Variants in HEPH observed in about 807,000 individuals in gnomAD.
HEPH encodes the protein hephaestin.
In HEPH, 69 loss-of-function variants were observed where a neutral mutation model predicts 80.8. The observed-to-expected ratio is 0.85, with a 90% CI of 0.70 to 1.04. The LOEUF is 1.04. HEPH is among the 50% of genes least tolerant of loss of function. The pLI, the probability that HEPH is intolerant of heterozygous loss-of-function variation, is 0.00. For synonymous variants in HEPH, 431 were observed against 322.8 expected (o/e 1.34, Z -3.60); for missense variants, 1,115 against 891.3 (o/e 1.25, Z -3.20).
chrX:66,177,073 C>T (rs1021384704), intron 4 of HEPH, among the ~76,000 whole-genome samples: 4 of 111,416 alleles, frequency 3.6e-5, no homozygotes, highest in Non-Finnish European at 7.5e-5. Context: ...ACTCATCTGA[C>T]GAAGGGCTAA....
intron 9 of HEPH, among the ~76,000 whole-genome samples, chrX:66,197,053 G>A (rs1246564964): frequency 3.6e-5 from 4 of 109,787 alleles, no homozygotes; most frequent in South Asian, 3.9e-4. Flanking sequence ...AAATTAATTT[G>A]TAAAAAAGTT....
At chrX:66,217,578 C>A (rs1247188234) in intron 15 of HEPH, among the ~76,000 whole-genome samples, 1 of 111,513 alleles carries the variant, frequency 9.0e-6, no homozygotes, top group Non-Finnish European at 1.9e-5. Context: ...CAAAATAGAA[C>A]CTCCTTAAAG....
At chrX:66,242,932 G>A (rs1312777979) in intron 15 of HEPH, among the ~76,000 whole-genome samples, 1 of 111,910 alleles carries the variant, frequency 8.9e-6, no homozygotes, top group Non-Finnish European at 1.9e-5. Context: ...AATTAGTTTA[G>A]TCACTGTGGA....
chrX:66,196,210 G>A (rs750631640), intron 9 of HEPH, among the ~76,000 whole-genome samples: 3 of 111,220 alleles, frequency 2.7e-5, no homozygotes, highest in East Asian at 2.8e-4. Context: ...TAGGAGATGC[G>A]TGCTAATATC....
chrX:66,231,825 G>A (rs1197262868), intron 15 of HEPH, among the ~76,000 whole-genome samples: 1 of 107,086 alleles, frequency 9.3e-6, no homozygotes, highest in Non-Finnish European at 1.9e-5. Context: ...TTGAATAGGA[G>A]TGGTGAGAGA....
chrX:66,248,426 G>A (rs114353101), intron 15 of HEPH, among the ~76,000 whole-genome samples: 4 of 111,948 alleles, frequency 3.6e-5, no homozygotes, highest in African/African-American at 1.3e-4. Context: ...CAGATCAACT[G>A]TCACAGTTTT....
chrX:66,179,839 T>C (rs893504358), intron 4 of HEPH, among the ~76,000 whole-genome samples: 2 of 111,892 alleles, frequency 1.8e-5, no homozygotes, highest in African/African-American at 6.5e-5. Context: ...ATAATGGCCC[T>C]CTTTGTCTCT....
rs757205308 is a variant in HEPH at position 66,192,191 on chromosome X, C to T, written c.1125C>T (p.Leu375=). ...SCSMAPPVDL[L]TGKVRQYFIE... is the part of the protein sequence containing the mutation. Reference sequence around the variant, plus strand: ...CCATGGCCCCTCCTGTGGACCTGCTCACAGGCAAAGTTCGACAGTACTTCA... The same window carrying T: ...CCATGGCCCCTCCTGTGGACCTGCTTACAGGCAAAGTTCGACAGTACTTCA... Residue 375 remains leucine (L), a synonymous_variant, in exon 7 of 21, where the codon CTC becomes CTT. Transcript: ENST00000343002. 8 of 1,208,780 alleles carry T rather than the reference C, an allele frequency of 6.6e-6. No homozygotes were observed. The highest frequency in any genetic ancestry group is 1.8e-5 in the African/African-American group (1 of 57,036).
intron 15 of HEPH, 32 bp downstream of exon 15, chrX:66,208,278 G>A: frequency 1.7e-6 from 2 of 1,183,431 alleles, no homozygotes; most frequent in Non-Finnish European, 2.3e-6. Context: ...AAGAACAAAG[G>A]ACATGCATCA....
rs1262749179 is a variant in HEPH at position 66,258,966 on chromosome X, G to A, written c.3023G>A (p.Ser1008Asn). Residue 1008 changes from serine to asparagine, a missense_variant, in exon 18 of 21, where the codon AGC (serine) becomes AAC (asparagine). By Grantham distance (46) the Ser-to-Asn change is conservative. Around this residue, in one of 3 missense-constraint regions of HEPH, gnomAD observed 716 missense variants for 523.5 expected, o/e 1.37. Transcript: ENST00000343002. The stretch of plus-strand genomic sequence containing the variant: ...CACACCATCCACTTTCATGCAGAGA[G>A]CTTCCTCTATCGGGTGAGCTGGAAA... ...DLHTIHFHAE[S>N]FLYRNGENYR... 8.3e-7 allele frequency: 1 copy of A among 1,203,049 alleles called. No homozygotes were observed. The highest frequency in any genetic ancestry group is 1.1e-6 in the Non-Finnish European group (1 of 892,184).
At chrX:66,263,507 G>A (rs2091430780) in intron 19 of HEPH, 137 bp from the exon 20 acceptor site, 1 of 564,947 alleles carries the variant, frequency 1.8e-6, no homozygotes, top group Non-Finnish European at 3.0e-6. Flanking sequence ...GGACTATAAA[G>A]TAGTAAATTC....
chrX:66,209,630 A>T (rs1041843243), intron 15 of HEPH, among the ~76,000 whole-genome samples: 1 of 112,548 alleles, frequency 8.9e-6, no homozygotes, highest in East Asian at 2.8e-4. Context: ...AAGATCAATG[A>T]GGTAAAATAA....
At chrX:66,233,389 GACA>G (rs1231448301) in intron 15 of HEPH, among the ~76,000 whole-genome samples, 4 of 111,435 alleles carry the variant, frequency 3.6e-5, no homozygotes, top group Non-Finnish European at 7.5e-5. Flanking sequence ...GTCTGGTAAT[GACA>G]ACAATTCTGG....
At chrX:66,170,458 C>A in intron 1 of HEPH, 100 bp from the exon 2 acceptor site, 2 of 697,956 alleles carry the variant, frequency 2.9e-6, no homozygotes, top group South Asian at 6.9e-5. Flanking sequence ...CTTTCTCAGT[C>A]ACTCAACCTG....
chrX:66,200,329 G>A, intron 11 of HEPH: 1 of 412,217 alleles, frequency 2.4e-6, no homozygotes, highest in East Asian at 3.9e-5. Flanking sequence ...TGGAGGTGAG[G>A]CCAGAAAGGA....
At chrX:66,189,969 G>A (rs2147699102) in intron 6 of HEPH, 31 bp downstream of exon 6, 1 of 1,147,886 alleles carries the variant, frequency 8.7e-7, no homozygotes, top group African/African-American at 1.8e-5. Flanking sequence ...CCATTGGGTT[G>A]TAAGAGAGAG....
Position 66,237,195 on chromosome X carries a change from G to C in HEPH, c.2564-17840G>C, listed in dbSNP as rs1030575931. ...ATTGTTTTTTTCTTGTGCTTCTTTA[G>C]TTCTTTTAGTTGTGATGTTAGGTTG... On this transcript the variant is annotated intron_variant, in intron 15 of 20. Coordinates refer to ENST00000343002, the MANE Select transcript of HEPH (RefSeq NM_001367233.3). Among the ~76,000 whole-genome samples, 4 of 106,270 alleles carry C rather than the reference G, an allele frequency of 3.8e-5. No individual in the cohort carries two copies. In the Admixed American group the frequency reaches 4.1e-4, roughly 11 times the overall value. 92.3% of individuals were successfully genotyped at this position (106,270 alleles called of 115,157 possible).
chrX:66,191,744 T>A (rs1471072591), intron 6 of HEPH, among the ~76,000 whole-genome samples: 1 of 111,905 alleles, frequency 8.9e-6, no homozygotes, highest in Non-Finnish European at 1.9e-5. Context: ...TATTCTCTCC[T>A]TTGGCAAAAG....
chrX:66,225,454 T>C (rs1490239686), intron 15 of HEPH, among the ~76,000 whole-genome samples: 2 of 111,603 alleles, frequency 1.8e-5, no homozygotes, highest in Admixed American at 9.4e-5. Flanking sequence ...AAAACCAAAG[T>C]ATCAAGCAAT....
Sources: allele counts gnomAD v4.1 joint callset (sites outside exome capture counted in the v4.1 genomes callset), GRCh38; gene constraint gnomAD v4.1.1; regional missense constraint gnomAD v4.1.1; transcripts MANE v1.5; gene names NCBI Gene and HGNC (gene_info 2026-07-23, HGNC 2026-07-21).